RGS7: variants seen among roughly 807,000 people sequenced by gnomAD.
RGS7 encodes the protein regulator of G-protein signaling 7.
In RGS7, 27 loss-of-function variants were observed where a neutral mutation model predicts 81.1. That is an observed-to-expected ratio of 0.33 (90% CI 0.25 to 0.46). RGS7 has a LOEUF of 0.46. RGS7 is among the 20% of genes least tolerant of loss of function. The pLI, the probability that RGS7 is intolerant of heterozygous loss-of-function variation, is 1.00. For synonymous variants in RGS7, 208 were observed against 207.7 expected (o/e 1.00, Z -0.01); for missense variants, 396 against 607.4 (o/e 0.65, Z 3.66).
At position 241,306,696 on chromosome 1, in the gene RGS7, CACAT is replaced by C. The variant is rs1274152746; in HGVS notation, c.78+48999_78+49002del. 1.1e-3 allele frequency among the ~76,000 whole-genome samples: 161 copies of C among 152,040 alleles called. 1 individual carries two copies. Among genetic ancestry groups the C allele is most frequent in the African/African-American group, 3.2e-3 (131 of 41,496 alleles). On this transcript the variant is annotated intron_variant, in intron 2 of 18. Coordinates refer to ENST00000440928, the MANE Select transcript of RGS7 (RefSeq NM_001364886.1). ...CAACACATGCACACACTCTTACACA[CACAT>C]ACACCCTTATACACATACCCTCACA...
At chr1:240,942,742 A>G (rs1419476496) in intron 4 of RGS7, among the ~76,000 whole-genome samples, 1 of 152,214 alleles carries the variant, frequency 6.6e-6, no homozygotes, top group Admixed American at 6.5e-5. Flanking sequence ...TAAAAAGAAG[A>G]TATGTTAGAC....
intron 3 of RGS7, among the ~76,000 whole-genome samples, chr1:241,014,283 T>C (rs1288866978): frequency 6.6e-6 from 1 of 152,184 alleles, no homozygotes; most frequent in Admixed American, 6.5e-5. Context: ...CCAAATCATC[T>C]CCTTCATTGG....
In RGS7 at chr1:240,868,508, CACTT is replaced by C; in HGVS notation, c.609+75_609+78del. 8.1e-7 allele frequency: 1 copy of C among 1,235,670 alleles called. No homozygotes were observed. The highest frequency in any genetic ancestry group is 2.3e-5 in the East Asian group (1 of 43,166). The allele number at this position is 1,235,670 out of a possible 1,614,324, so 76.5% of individuals were successfully genotyped here. ...CGTGCATGGGGTCACTACAGTCTTT[CACTT>C]ACTTTGGCAGGGCACCCCTCACTTC... On this transcript the variant is annotated intron_variant, in intron 9 of 18. Coordinates refer to ENST00000440928, the MANE Select transcript of RGS7 (RefSeq NM_001364886.1). This position sits in a 1 kb window ranked among gnomAD's most constrained non-coding sequence, Gnocchi z 5.1.
chr1:241,086,529 C>T (rs2063457835), intron 3 of RGS7, among the ~76,000 whole-genome samples: 1 of 151,974 alleles, frequency 6.6e-6, no homozygotes, highest in Non-Finnish European at 1.5e-5. Flanking sequence ...TGGGTCAAGC[C>T]TTCATCATCT....
intron 2 of RGS7, among the ~76,000 whole-genome samples, chr1:241,332,245 T>C (rs1558327770): frequency 6.6e-6 from 1 of 152,070 alleles, no homozygotes; most frequent in Non-Finnish European, 1.5e-5. Context: ...GCAAACCACA[T>C]CATGTGACAT....
chr1:240,858,388 C>T (rs1176212324), intron 9 of RGS7, among the ~76,000 whole-genome samples: 1 of 152,228 alleles, frequency 6.6e-6, no homozygotes, highest in Non-Finnish European at 1.5e-5. Context: ...TGTTCCACAT[C>T]CTCACCAGCA....
chr1:241,157,170 G>A (rs2069230399), intron 2 of RGS7, among the ~76,000 whole-genome samples: 1 of 151,872 alleles, frequency 6.6e-6, no homozygotes, highest in African/African-American at 2.4e-5. Context: ...ATTCATATCA[G>A]TGTGCCACTG....
chr1:241,059,870 T>C (rs1163219206), intron 3 of RGS7, among the ~76,000 whole-genome samples: 1 of 151,478 alleles, frequency 6.6e-6, no homozygotes, highest in East Asian at 1.9e-4. Flanking sequence ...TCTATGTTCT[T>C]TTATACAGTA....
chr1:240,913,299 A>C (rs549102255), intron 6 of RGS7, among the ~76,000 whole-genome samples: 24 of 152,342 alleles, frequency 1.6e-4, no homozygotes, highest in African/African-American at 5.5e-4. Flanking sequence ...ATTCATATAC[A>C]TGCATACCTA....
intron 3 of RGS7, among the ~76,000 whole-genome samples, chr1:241,082,478 C>G (rs903074328): frequency 6.6e-6 from 1 of 152,192 alleles, no homozygotes; most frequent in Non-Finnish European, 1.5e-5. Context: ...TAAGTCAGAG[C>G]TTGTCTTTCA....
intron 2 of RGS7, among the ~76,000 whole-genome samples, chr1:241,108,975 C>G (rs1340658232): frequency 6.6e-6 from 1 of 152,086 alleles, no homozygotes; most frequent in Non-Finnish European, 1.5e-5. Context: ...CTCTCTTATA[C>G]GAACTCCTTA....
chr1:240,774,971 A>AT (rs1270535094), downstream of RGS7, among the ~76,000 whole-genome samples: 1 of 152,228 alleles, frequency 6.6e-6, no homozygotes, highest in African/African-American at 2.4e-5. Flanking sequence ...CGTAGTTTAT[A>AT]TGCAAACACT....
intron 2 of RGS7, among the ~76,000 whole-genome samples, chr1:241,244,566 G>A (rs963198848): frequency 6.6e-6 from 1 of 152,114 alleles, no homozygotes; most frequent in Non-Finnish European, 1.5e-5. Context: ...CAAGGATCTA[G>A]AACTAGAAAT....
intron 3 of RGS7, among the ~76,000 whole-genome samples, chr1:241,080,264 T>C (rs184366455): frequency 7.0e-4 from 107 of 151,806 alleles, no homozygotes; most frequent in Non-Finnish European, 1.1e-3. Flanking sequence ...TTGATATGTA[T>C]AGTCATTTGT....
Position 241,103,199 on chromosome 1 carries a change from A to G in RGS7, c.79-4437T>C, listed in dbSNP as rs529601982. On this transcript the variant is annotated intron_variant, in intron 2 of 18. Coordinates refer to ENST00000440928, the MANE Select transcript of RGS7 (RefSeq NM_001364886.1). Reference sequence around the variant, plus strand: ...TGTGTGTATATATATATACTTACACACACGCATATATATGCATGTATACAT... The same window carrying G: ...TGTGTGTATATATATATACTTACACGCACGCATATATATGCATGTATACAT... Among the ~76,000 whole-genome samples, 58 of 152,304 alleles carry G rather than the reference A, an allele frequency of 3.8e-4. 1 individual carries two copies. The South Asian group carries it at 0.012, about 31-fold the overall frequency.
chr1:240,876,269 T>C (rs373949304), intron 6 of RGS7, among the ~76,000 whole-genome samples: 21 of 152,192 alleles, frequency 1.4e-4, no homozygotes, highest in African/African-American at 5.1e-4. Context: ...AAGTCTCTTA[T>C]CAGGAGTGAG....
intron 2 of RGS7, among the ~76,000 whole-genome samples, chr1:241,134,769 AG>A (rs1400955030): frequency 6.6e-6 from 1 of 152,194 alleles, no homozygotes; most frequent in Non-Finnish European, 1.5e-5. Context: ...GAGTTTTACT[AG>A]TTCCTCACTG....
chr1:240,800,135 A>G (rs923345743), intron 18 of RGS7, among the ~76,000 whole-genome samples: 2 of 152,202 alleles, frequency 1.3e-5, no homozygotes, highest in Non-Finnish European at 2.9e-5. Context: ...ATTATCTGAT[A>G]GTCACTTTCT....
At chr1:240,886,883 C>T (rs1248900057) in intron 6 of RGS7, among the ~76,000 whole-genome samples, 1 of 152,132 alleles carries the variant, frequency 6.6e-6, no homozygotes. Context: ...TAGAACATGC[C>T]ATGTGGTATA....
Sources: allele counts gnomAD v4.1 joint callset (sites outside exome capture counted in the v4.1 genomes callset), GRCh38; gene constraint gnomAD v4.1.1; non-coding constraint Gnocchi (gnomAD v3.1); transcripts MANE v1.5; gene names NCBI Gene and HGNC (gene_info 2026-07-23, HGNC 2026-07-21).